Variants in AK5 observed in about 807,000 individuals in gnomAD.
AK5 encodes the protein adenylate kinase 5.
A neutral mutation model predicts 69.5 loss-of-function variants in AK5; 27 were observed. The observed-to-expected ratio is 0.39, with a 90% CI of 0.29 to 0.54. The LOEUF is 0.54. AK5 is among the 20% of genes least tolerant of loss of function. The pLI, the probability that AK5 is intolerant of heterozygous loss-of-function variation, is 0.71. For missense variants in AK5, 531 were observed against 700.4 expected, an observed-to-expected ratio of 0.76 and a Z score of 2.73; for synonymous variants, 260 against 244.4, an observed-to-expected ratio of 1.06 and a Z score of -0.60.
intron 5 of AK5, among the ~76,000 whole-genome samples, chr1:77,335,238 CT>C: frequency 6.6e-6 from 1 of 152,088 alleles, no homozygotes; most frequent in African/African-American, 2.4e-5. Context: ...CAAGTAAAGG[CT>C]TTAAAAATGG....
chr1:77,298,570 G>C (rs1160858075), intron 5 of AK5, among the ~76,000 whole-genome samples: 1 of 151,878 alleles, frequency 6.6e-6, no homozygotes, highest in African/African-American at 2.4e-5. Context: ...TCGGAAGGCT[G>C]AGGCGGATGG....
At chr1:77,463,698 G>A (rs575184404) in intron 8 of AK5, among the ~76,000 whole-genome samples, 49 of 152,212 alleles carry the variant, frequency 3.2e-4, no homozygotes, top group East Asian at 1.9e-4. Context: ...ATTTCCCTCC[G>A]TTGTGTGTCT....
intron 13 of AK5, among the ~76,000 whole-genome samples, chr1:77,543,729 A>G (rs1000849637): frequency 1.3e-5 from 2 of 152,084 alleles, no homozygotes; most frequent in African/African-American, 2.4e-5. Context: ...TCTTGTGACT[A>G]TTCTCATTTA....
chr1:77,310,329 A>C (rs1659872949), intron 5 of AK5, among the ~76,000 whole-genome samples: 1 of 152,022 alleles, frequency 6.6e-6, no homozygotes, highest in South Asian at 2.1e-4. Flanking sequence ...AGAAATCTAA[A>C]TTATATCCTG....
At position 77,411,150 on chromosome 1, in the gene AK5, G is replaced by A. The variant is rs1358941748; in HGVS notation, c.982+79G>A. On this transcript the variant is annotated intron_variant, in intron 7 of 13. Transcript: ENST00000354567. ...CTGGGGCTTTGTATTAATGGTTGAAGTTCAACAAACTGCTGCAAGTTTTGA... is the reference window on the plus strand; with the variant it reads ...CTGGGGCTTTGTATTAATGGTTGAAATTCAACAAACTGCTGCAAGTTTTGA... 1.1e-4 allele frequency: 130 copies of A among 1,213,972 alleles called. No homozygotes were observed. In the Admixed American group the frequency reaches 3.1e-3, roughly 29 times the overall value. 75.2% of individuals were successfully genotyped at this position (1,213,972 alleles called of 1,614,324 possible). A position where few individuals can be genotyped will look rare whatever the true frequency, so the allele number is the denominator to read the frequency against.
In AK5 at chr1:77,282,348, G is replaced by A. The variant is rs1658106610; in HGVS notation, c.35G>A (p.Arg12Gln). The A allele has an allele frequency of 6.4e-7, 1 of 1,559,756 alleles. No individual in the cohort carries two copies. The highest frequency in any genetic ancestry group is 8.7e-7 in the Non-Finnish European group (1 of 1,152,084). Residue 12 changes from arginine (R) to glutamine (Q), a missense_variant, in exon 1 of 14, where the codon CGG becomes CAG. Arg to Gln is a conservative substitution (Grantham distance 43). Coordinates refer to ENST00000354567, the MANE Select transcript of AK5 (RefSeq NM_174858.3). ...NTNDAKEYLA[R>Q]REIPQLFESL... The stretch of plus-strand genomic sequence containing the variant: ...AACGATGCCAAGGAGTATCTGGCCC[G>A]GAGGGAAATCCCTCAGCTTTTTGAG...
intron 6 of AK5, among the ~76,000 whole-genome samples, chr1:77,348,509 T>TA (rs141980716): frequency 1.4e-4 from 20 of 145,284 alleles, no homozygotes; most frequent in Non-Finnish European, 2.1e-4. Flanking sequence ...TAAAGTATAA[T>TA]AAAAAAAAAA....
chr1:77,495,918 T>C (rs1477953312), intron 10 of AK5, among the ~76,000 whole-genome samples: 1 of 152,244 alleles, frequency 6.6e-6, no homozygotes, highest in Non-Finnish European at 1.5e-5. Context: ...GTTAGGTATA[T>C]ATGGCTTTGG....
intron 5 of AK5, among the ~76,000 whole-genome samples, chr1:77,337,743 T>C (rs1479553371): frequency 6.6e-6 from 1 of 152,196 alleles, no homozygotes; most frequent in Non-Finnish European, 1.5e-5. Context: ...ACTTCTGAGT[T>C]GGGAGTTTAT....
chr1:77,376,591 T>C (rs891358190), intron 6 of AK5, among the ~76,000 whole-genome samples: 1 of 152,118 alleles, frequency 6.6e-6, no homozygotes, highest in African/African-American at 2.4e-5. Flanking sequence ...ATGTTATATT[T>C]ACTGAGAGGT....
At chr1:77,547,336 C>T (rs1287995341) in intron 13 of AK5, among the ~76,000 whole-genome samples, 5 of 141,860 alleles carry the variant, frequency 3.5e-5, no homozygotes, top group South Asian at 2.2e-4. Flanking sequence ...TGCAGTGGCA[C>T]GATCTCAGCT....
At chr1:77,492,325 T>C (rs186335931) in intron 10 of AK5, among the ~76,000 whole-genome samples, 2 of 152,372 alleles carry the variant, frequency 1.3e-5, no homozygotes, top group Admixed American at 1.3e-4. Flanking sequence ...TACATGGTAA[T>C]GAAGCACACA....
intron 12 of AK5, among the ~76,000 whole-genome samples, chr1:77,529,334 G>GTTTGTTTTTTTT (rs1658449759): frequency 7.2e-6 from 1 of 138,032 alleles, no homozygotes; most frequent in African/African-American, 2.7e-5. Flanking sequence ...CGTTTTATAG[G>GTTTGTTTTTTTT]TTTTTTTTTT....
At chr1:77,478,388 C>T (rs994293967) in intron 8 of AK5, among the ~76,000 whole-genome samples, 15 of 152,168 alleles carry the variant, frequency 9.9e-5, no homozygotes, top group Non-Finnish European at 2.9e-5. Flanking sequence ...ATGCTGTTCT[C>T]ATGATAGTGA....
chr1:77,546,545 A>G lies in AK5; in HGVS notation c.1620+10507A>G, dbSNP rs143894771. Among the ~76,000 whole-genome samples the G allele has an allele frequency of 5.6e-3, 858 of 152,250 alleles. 6 individuals are homozygous for G. Among genetic ancestry groups the G allele is most frequent in the African/African-American group, 0.02 (824 of 41,548 alleles). On this transcript the variant is annotated intron_variant, in intron 13 of 13. Transcript: ENST00000354567. Reference sequence around the variant, plus strand: ...GCCAACATGGTGAAACTCCATCTCTACTAACATTACAAAAATTAGATGGGT... The same window carrying G: ...GCCAACATGGTGAAACTCCATCTCTGCTAACATTACAAAAATTAGATGGGT...
At chr1:77,293,756 G>GTTTTTTCCTTTTCTTTTTT in intron 2 of AK5, 37 bp from the exon 3 acceptor site, 1 of 1,548,072 alleles carries the variant, frequency 6.5e-7, no homozygotes, top group Non-Finnish European at 8.7e-7. Flanking sequence ...TTATTATGGT[G>GTTTTTTCCTTTTCTTTTTT]TTTTTTCCTT....
In AK5 at chr1:77,559,559, CCAAG is replaced by C. The variant is rs1400594000; in HGVS notation, c.*894_*897del. On this transcript the variant is annotated 3_prime_UTR_variant, in exon 14 of 14. Coordinates refer to ENST00000354567, the MANE Select transcript of AK5 (RefSeq NM_174858.3). Reference sequence around the variant, plus strand: ...TGGTCACCCATGTATTTATTTGTTGCCAAGCAAGTAAAAAAATACCCTAACAAAC... The same window carrying C: ...TGGTCACCCATGTATTTATTTGTTGCCAAGTAAAAAAATACCCTAACAAAC... The C allele has an allele frequency of 6.6e-6, 1 of 151,934 alleles. No individual in the cohort carries two copies. Among genetic ancestry groups the C allele is most frequent in the African/African-American group, 2.4e-5 (1 of 41,372 alleles). 9.4% of individuals were successfully genotyped at this position (151,934 alleles called of 1,614,324 possible). A position where few individuals can be genotyped will look rare whatever the true frequency, so the allele number is the denominator to read the frequency against.
intron 6 of AK5, among the ~76,000 whole-genome samples, chr1:77,382,400 G>A (rs1647707968): frequency 6.6e-6 from 1 of 152,034 alleles, no homozygotes; most frequent in Non-Finnish European, 1.5e-5. Flanking sequence ...ACCTAGGCTG[G>A]AATGCAATGG....
intron 6 of AK5, among the ~76,000 whole-genome samples, chr1:77,363,026 T>C (rs1198409814): frequency 6.6e-6 from 1 of 152,134 alleles, no homozygotes; most frequent in Non-Finnish European, 1.5e-5. Context: ...CAATGCTGAC[T>C]CTCAAATTTA....
Sources: gnomAD v4.1 joint callset for allele counts (sites outside exome capture counted in the v4.1 genomes callset) on GRCh38, gnomAD v4.1.1 for gene constraint, MANE v1.5 for transcripts, NCBI Gene and HGNC (gene_info 2026-07-23, HGNC 2026-07-21) for gene names.